PPP3CB: variants seen among roughly 807,000 people sequenced by gnomAD.
PPP3CB encodes the protein serine/threonine-protein phosphatase 2B catalytic subunit beta isoform.
A neutral mutation model predicts 66.4 loss-of-function variants in PPP3CB; 8 were observed. The observed-to-expected ratio is 0.12, with a 90% confidence interval of 0.07 to 0.22. The LOEUF (loss-of-function observed/expected upper bound fraction) is 0.22, where lower values mean the gene tolerates loss of function less well. Ranked by LOEUF, PPP3CB falls within the 10% of genes least tolerant of loss-of-function variation. The probability of loss-of-function intolerance (pLI) is 1.00; values close to 1 mark genes in which losing one functional copy is unlikely to be tolerated. For missense variants in PPP3CB, 319 were observed against 642.5 expected, an observed-to-expected ratio of 0.50 and a Z score of 5.44; for synonymous variants, 208 against 221.2, an observed-to-expected ratio of 0.94 and a Z score of 0.53.
intron 9 of PPP3CB, among the ~76,000 whole-genome samples, chr10:73,457,968 G>C (rs1369768900): frequency 1.3e-5 from 2 of 152,112 alleles, no homozygotes; most frequent in Non-Finnish European, 2.9e-5. Context: ...AGGAGACTTG[G>C]AAGGGTAGAG....
chr10:73,471,692 T>C, intron 4 of PPP3CB, 79 bp from the exon 5 acceptor site: 3 of 1,140,642 alleles, frequency 2.6e-6, no homozygotes, highest in Non-Finnish European at 3.7e-6. Context: ...TATTAGATTT[T>C]TATTTCTTGT....
chr10:73,456,590 T>C (rs969602736), intron 9 of PPP3CB, among the ~76,000 whole-genome samples: 4 of 152,204 alleles, frequency 2.6e-5, no homozygotes, highest in African/African-American at 7.2e-5. Flanking sequence ...TAAAGAACAG[T>C]CATTTCAACA....
chr10:73,473,222 T>A (rs1292711796), intron 4 of PPP3CB, among the ~76,000 whole-genome samples: 2 of 152,226 alleles, frequency 1.3e-5, no homozygotes, highest in East Asian at 3.8e-4. Context: ...TACCCATCAC[T>A]GTATTTTTCT....
At position 73,474,484 on chromosome 10, in the gene PPP3CB, G is replaced by A. The variant is rs557403873; in HGVS notation, c.523+435C>T. Among the ~76,000 whole-genome samples, 251 of 151,876 alleles carry A rather than the reference G, an allele frequency of 1.7e-3. 1 individual carries two copies. Among genetic ancestry groups the A allele is most frequent in the African/African-American group, 5.6e-3 (231 of 41,366 alleles). On this transcript the variant is annotated intron_variant, in intron 4 of 13. Coordinates refer to ENST00000360663, the MANE Select transcript of PPP3CB (RefSeq NM_021132.4). Reference sequence around the variant, plus strand: ...GACTCTATTGCCCAGGCAATTGTCCGTGCAGTGGCATGATCTCAGCTCACT... The same window carrying A: ...GACTCTATTGCCCAGGCAATTGTCCATGCAGTGGCATGATCTCAGCTCACT...
intron 3 of PPP3CB, among the ~76,000 whole-genome samples, chr10:73,477,855 T>C (rs953380290): frequency 5.3e-5 from 8 of 151,902 alleles, no homozygotes; most frequent in African/African-American, 1.9e-4. Context: ...AGGTCAAGGC[T>C]ACATTGAGCC....
intron 12 of PPP3CB, 142 bp downstream of exon 12, chr10:73,444,583 A>G (rs1420098161): frequency 1.3e-6 from 2 of 1,552,012 alleles, no homozygotes; most frequent in African/African-American, 2.7e-5. Context: ...ACTAGCTAAT[A>G]CAGTACCCTG....
intron 9 of PPP3CB, among the ~76,000 whole-genome samples, chr10:73,465,988 C>G (rs1211375972): frequency 6.6e-6 from 1 of 152,110 alleles, no homozygotes; most frequent in Admixed American, 6.5e-5. Flanking sequence ...TTGAATATTT[C>G]TTTGTTTATA....
chr10:73,446,304 TG>T (rs1359250666), intron 11 of PPP3CB, among the ~76,000 whole-genome samples, 187 bp downstream of exon 11: 1 of 151,964 alleles, frequency 6.6e-6, no homozygotes, highest in Non-Finnish European at 1.5e-5. Flanking sequence ...TTCACTATGT[TG>T]GCCAGGCTGG....
At chr10:73,463,191 T>G (rs1333758016) in intron 9 of PPP3CB, among the ~76,000 whole-genome samples, 2 of 152,158 alleles carry the variant, frequency 1.3e-5, no homozygotes, top group Non-Finnish European at 2.9e-5. Context: ...ACTTCTACCA[T>G]TCTTTTGGTT....
At chr10:73,442,691 T>C (rs548612748) in intron 12 of PPP3CB, among the ~76,000 whole-genome samples, 3 of 151,776 alleles carry the variant, frequency 2.0e-5, no homozygotes, top group Non-Finnish European at 4.4e-5. Context: ...GGGCAAGGAA[T>C]GTAAAGCAAA....
At chr10:73,457,379 T>C (rs1318700771) in intron 9 of PPP3CB, among the ~76,000 whole-genome samples, 2 of 146,672 alleles carry the variant, frequency 1.4e-5, no homozygotes, top group Admixed American at 6.8e-5. Context: ...GAGATTGCAG[T>C]GAGTTACGAT....
At chr10:73,444,848 T>A (rs756605045) in intron 11 of PPP3CB, 26 bp from the exon 12 acceptor site, 1 of 1,607,174 alleles carries the variant, frequency 6.2e-7, no homozygotes, top group Admixed American at 1.7e-5. Context: ...ATAACAAATA[T>A]CAGATACTTC....
intron 5 of PPP3CB, 25 bp from the exon 6 acceptor site, chr10:73,471,234 C>G (rs2056696954): frequency 6.4e-7 from 1 of 1,572,458 alleles, no homozygotes; most frequent in South Asian, 1.2e-5. Flanking sequence ...AAAGAAAGAA[C>G]AGAAGTAACT....
intron 1 of PPP3CB, among the ~76,000 whole-genome samples, chr10:73,486,317 T>C (rs1376802826): frequency 1.2e-4 from 17 of 137,464 alleles, no homozygotes; most frequent in African/African-American, 3.3e-4. Flanking sequence ...TTTTTTTTTT[T>C]CTTCTGAGAC....
Position 73,495,987 on chromosome 10 carries a change from C to T in PPP3CB, c.-98G>A. 1.4e-6 allele frequency: 1 copy of T among 717,788 alleles called. No homozygotes were observed. Among genetic ancestry groups the T allele is most frequent in the Non-Finnish European group, 1.9e-6 (1 of 528,330 alleles). 44.5% of individuals were successfully genotyped at this position (717,788 alleles called of 1,614,324 possible). A position where few individuals can be genotyped will look rare whatever the true frequency, so the allele number is the denominator to read the frequency against. On this transcript the variant is annotated 5_prime_UTR_variant, in exon 1 of 14. Coordinates refer to ENST00000360663, the MANE Select transcript of PPP3CB (RefSeq NM_021132.4). The stretch of plus-strand genomic sequence containing the variant: ...GCGGCGGCGCCGCCGGGGAACATGG[C>T]GGACCCTCTTTCCCTACAGAGGGGC...
At chr10:73,471,645 A>G (rs748948360) in intron 4 of PPP3CB, 32 bp from the exon 5 acceptor site, 1 of 1,524,576 alleles carries the variant, frequency 6.6e-7, no homozygotes. Flanking sequence ...TGAAAATTAC[A>G]TTACTGGTGG....
In PPP3CB at chr10:73,479,578, A is replaced by G. The variant is rs1283894200; in HGVS notation, c.86-61T>C. On this transcript the variant is annotated intron_variant, in intron 1 of 13. Coordinates refer to ENST00000360663, the MANE Select transcript of PPP3CB (RefSeq NM_021132.4). Reference sequence around the variant, plus strand: ...CAAAAATACATTAACTTAAAAACTAATAATTGGATCTAGATAAGACTAAAA... The same window carrying G: ...CAAAAATACATTAACTTAAAAACTAGTAATTGGATCTAGATAAGACTAAAA... 3.4e-6 allele frequency: 5 copies of G among 1,480,644 alleles called. No individual in the cohort carries two copies. In the African/African-American group the frequency reaches 4.2e-5, roughly 13 times the overall value. The allele number at this position is 1,480,644 out of a possible 1,614,324, so 91.7% of individuals were successfully genotyped here. A position where few individuals can be genotyped will look rare whatever the true frequency, so the allele number is the denominator to read the frequency against.
chr10:73,445,913 T>A (rs2056242087), intron 11 of PPP3CB, among the ~76,000 whole-genome samples: 1 of 151,810 alleles, frequency 6.6e-6, no homozygotes, highest in Admixed American at 6.6e-5. Flanking sequence ...CACATCCAGT[T>A]AATTTTTCTA....
Position 73,479,465 on chromosome 10 carries a change from C to G in PPP3CB, c.138G>C (p.Leu46Phe), listed in dbSNP as rs573948169. The G allele has an allele frequency of 6.8e-6, 11 of 1,614,084 alleles. No individual in the cohort carries two copies. The South Asian group carries it at 1.2e-4, about 18-fold the overall frequency. Reference protein sequence around the residue: ...HRLTSEEVFDLDGIPRVDVLK... With the variant: ...HRLTSEEVFDFDGIPRVDVLK... ...GAACATCAACCCTGGGTATCCCATC[C>G]AAATCAAATACTTCTTCAGATGTCA... The change falls in exon 2 of 14, where the codon TTG becomes TTC. Residue 46 changes from leucine to phenylalanine, a missense_variant. Coordinates refer to ENST00000360663, the MANE Select transcript of PPP3CB (RefSeq NM_021132.4).
Sources: allele counts gnomAD v4.1 joint callset (sites outside exome capture counted in the v4.1 genomes callset), GRCh38; gene constraint gnomAD v4.1.1; transcripts MANE v1.5; gene names NCBI Gene and HGNC (gene_info 2026-07-23, HGNC 2026-07-21).